Variants in KCNT2 observed in about 807,000 individuals in gnomAD.
KCNT2 encodes the protein potassium channel subfamily T member 2.
KCNT2 carries 67 observed loss-of-function variants against 153.8 expected under a neutral mutation model. The ratio of observed to expected loss-of-function variants is 0.44; its 90% CI spans 0.36 to 0.53. The LOEUF is 0.53. KCNT2 is among the 20% of genes least tolerant of loss of function. The pLI is 0.00. For synonymous variants in KCNT2, 500 were observed against 458.8 expected, an observed-to-expected ratio of 1.09 and a Z score of -1.15; for missense variants, 975 against 1,354.8, an observed-to-expected ratio of 0.72 and a Z score of 4.40.
intron 1 of KCNT2, among the ~76,000 whole-genome samples, chr1:196,547,861 A>T (rs1174556286): frequency 1.3e-5 from 2 of 151,878 alleles, no homozygotes; most frequent in Non-Finnish European, 2.9e-5. Context: ...AAAATTATAG[A>T]TTAGAAACAA....
intron 25 of KCNT2, among the ~76,000 whole-genome samples, chr1:196,260,379 T>C (rs1023381752): frequency 6.6e-6 from 1 of 151,864 alleles, no homozygotes; most frequent in African/African-American, 2.4e-5. Flanking sequence ...TTCTTAGCCA[T>C]GTGTATCAGG....
At chr1:196,401,388 G>C (rs912795648) in intron 12 of KCNT2, among the ~76,000 whole-genome samples, 1 of 151,732 alleles carries the variant, frequency 6.6e-6, no homozygotes, top group African/African-American at 2.4e-5. Flanking sequence ...GTAGCTACTA[G>C]ACAGTCTGAG....
intron 22 of KCNT2, among the ~76,000 whole-genome samples, chr1:196,289,566 A>G (rs933363357): frequency 1.3e-5 from 2 of 152,130 alleles, no homozygotes; most frequent in African/African-American, 2.4e-5. Flanking sequence ...GAACATTCAT[A>G]TGCCAGAAAC....
intron 8 of KCNT2, among the ~76,000 whole-genome samples, chr1:196,464,540 C>T (rs1572544710): frequency 6.6e-6 from 1 of 151,822 alleles, no homozygotes; most frequent in East Asian, 1.9e-4. Context: ...TTAGTACTTC[C>T]TAATTAGCTT....
At chr1:196,439,734 C>A (rs957376534) in intron 8 of KCNT2, among the ~76,000 whole-genome samples, 3 of 151,898 alleles carry the variant, frequency 2.0e-5, no homozygotes, top group African/African-American at 7.3e-5. Flanking sequence ...CTGTAGCAAG[C>A]CATTTCTTAC....
At chr1:196,301,925 A>C (rs563105465) in intron 22 of KCNT2, among the ~76,000 whole-genome samples, 1 of 152,228 alleles carries the variant, frequency 6.6e-6, no homozygotes, top group Admixed American at 6.5e-5. Context: ...TTATTAGTAG[A>C]GACAGGGTTT....
intron 17 of KCNT2, among the ~76,000 whole-genome samples, chr1:196,331,840 T>G (rs999903744): frequency 6.6e-6 from 1 of 152,128 alleles, no homozygotes; most frequent in Non-Finnish European, 1.5e-5. Flanking sequence ...ATAACCGAAA[T>G]GGAACAAATA....
chr1:196,431,469 G>A (rs1293247867), intron 8 of KCNT2, among the ~76,000 whole-genome samples: 1 of 152,068 alleles, frequency 6.6e-6, no homozygotes, highest in African/African-American at 2.4e-5. Flanking sequence ...AAACAGTCAT[G>A]ACCAGAATAT....
chr1:196,251,785 T>G (rs937446270), intron 26 of KCNT2, among the ~76,000 whole-genome samples: 1 of 151,972 alleles, frequency 6.6e-6, no homozygotes, highest in South Asian at 2.1e-4. Flanking sequence ...AAATAATATA[T>G]GCTTGAGATT....
At chr1:196,446,411 G>C (rs1291330664) in intron 8 of KCNT2, among the ~76,000 whole-genome samples, 1 of 151,294 alleles carries the variant, frequency 6.6e-6, no homozygotes, top group Non-Finnish European at 1.5e-5. Context: ...AAAGTATGGA[G>C]CAAGCTGTGG....
intron 3 of KCNT2, among the ~76,000 whole-genome samples, chr1:196,482,888 C>G (rs1259909772): frequency 1.3e-5 from 2 of 151,980 alleles, no homozygotes; most frequent in East Asian, 3.9e-4. Context: ...ACATATTGGG[C>G]AAGACAAGGA....
At chr1:196,513,987 T>G (rs911723184) in intron 1 of KCNT2, among the ~76,000 whole-genome samples, 2 of 152,180 alleles carry the variant, frequency 1.3e-5, no homozygotes, top group African/African-American at 4.8e-5. Context: ...ACAAATAGAC[T>G]GAAATAGGAA....
At chr1:196,462,494 T>C (rs1475334806) in intron 8 of KCNT2, among the ~76,000 whole-genome samples, 5 of 151,888 alleles carry the variant, frequency 3.3e-5, no homozygotes, top group South Asian at 2.1e-4. Flanking sequence ...TTCCCTCTTA[T>C]AGTTTTATTA....
chr1:196,312,292 A>G (rs1662261422), intron 21 of KCNT2, among the ~76,000 whole-genome samples: 1 of 151,680 alleles, frequency 6.6e-6, no homozygotes, highest in Admixed American at 6.6e-5. Context: ...AGGAGTGGAG[A>G]TACACTATTC....
intron 8 of KCNT2, among the ~76,000 whole-genome samples, chr1:196,456,580 T>G (rs1311174736): frequency 1.3e-5 from 2 of 152,006 alleles, no homozygotes; most frequent in Admixed American, 1.3e-4. Flanking sequence ...TTTTAAGATC[T>G]TATTTATGCC....
rs140970909 is a variant in KCNT2 at position 196,565,584 on chromosome 1, T to C, written c.95+42631A>G. ...TTTTAAAATGTTGTATATATACAAA[T>C]CATTATACATATATATATATATATA... is the stretch of plus-strand genomic sequence containing the variant. On this transcript the variant is annotated intron_variant, in intron 1 of 27. Transcript: ENST00000294725. Among the ~76,000 whole-genome samples the C allele has an allele frequency of 5.3e-3, 753 of 142,298 alleles. 6 individuals carry two copies. The highest frequency in any genetic ancestry group is 0.02 in the African/African-American group (713 of 34,950). 93.4% of individuals were successfully genotyped at this position (142,298 alleles called of 152,430 possible).
intron 1 of KCNT2, among the ~76,000 whole-genome samples, chr1:196,495,952 GC>G (rs1680217516): frequency 6.6e-6 from 1 of 151,790 alleles, no homozygotes; most frequent in Non-Finnish European, 1.5e-5. Context: ...CTTATTTCTG[GC>G]TATTTTATAA....
chr1:196,372,166 G>T (rs1299401802), intron 14 of KCNT2, among the ~76,000 whole-genome samples: 1 of 151,888 alleles, frequency 6.6e-6, no homozygotes, highest in Non-Finnish European at 1.5e-5. Context: ...TTGCTCCTAA[G>T]AAACTTTTAC....
chr1:196,541,397 GA>G (rs976161245), intron 1 of KCNT2, among the ~76,000 whole-genome samples: 129 of 151,010 alleles, frequency 8.5e-4, no homozygotes, highest in African/African-American at 2.8e-3. Context: ...TATAAACTAA[GA>G]TATTTTTTTT....
Sources: gnomAD v4.1 joint callset for allele counts (sites outside exome capture counted in the v4.1 genomes callset) on GRCh38, gnomAD v4.1.1 for gene constraint, MANE v1.5 for transcripts, NCBI Gene and HGNC (gene_info 2026-07-23, HGNC 2026-07-21) for gene names.